Variants in FAM185A observed in about 807,000 individuals in gnomAD.
The protein encoded by FAM185A is family with sequence similarity 185 member A.
FAM185A carries 21 observed loss-of-function variants against 45.7 expected under a neutral mutation model. The ratio of observed to expected loss-of-function variants is 0.46; its 90% CI spans 0.33 to 0.66. FAM185A has a LOEUF of 0.66. Among genes scored for constraint, FAM185A ranks in the 30% least tolerant of loss-of-function variants. The pLI, the probability that FAM185A is intolerant of heterozygous loss-of-function variation, is 0.03. For missense variants in FAM185A, 305 were observed against 485.4 expected (o/e 0.63, Z 3.49); for synonymous variants, 117 against 194.0 (o/e 0.60, Z 3.30).
In FAM185A at chr7:102,775,475, C is replaced by T. The variant is rs1000568989; in HGVS notation, c.836-1778C>T. 5.9e-5 allele frequency among the ~76,000 whole-genome samples: 9 copies of T among 152,150 alleles called. No homozygotes were observed. In the South Asian group the frequency reaches 6.2e-4, roughly 11 times the overall value. ...TGCCTTCTTTCTTGAAAACATCTTG[C>T]GTTTTCATTTTTTTATTTTTTAACA... On this transcript the variant is annotated intron_variant, in intron 5 of 7. Transcript: ENST00000413034.
intron 6 of FAM185A, among the ~76,000 whole-genome samples, chr7:102,780,972 TTA>T (rs1207893671): frequency 6.6e-6 from 1 of 152,204 alleles, no homozygotes; most frequent in Non-Finnish European, 1.5e-5. Flanking sequence ...CTAATACTGC[TTA>T]TTTCCAATGG....
chr7:102,826,522 G>T, the FAM185A span, among the ~76,000 whole-genome samples: 2 of 151,196 alleles, frequency 1.3e-5, no homozygotes, highest in Non-Finnish European at 2.9e-5. Context: ...GATCACTTGA[G>T]CCCAGGAGTT....
Position 102,751,784 on chromosome 7 carries a change from A to G in FAM185A, c.544A>G (p.Ile182Val). ...AATTGAAACAGAGCATGGGACTAGT[A>G]TCTTGCAGTCTGTTAAGGTATAGCA... ...CKIETEHGTS[I>V]LQSVKGQKLH... is the part of the protein sequence containing the mutation. The change falls in exon 2 of 8, where the codon ATC (isoleucine) becomes GTC (valine). Residue 182 changes from isoleucine to valine, a missense_variant. Around this residue, in one of 5 missense-constraint regions of FAM185A, gnomAD observed 174 missense variants for 247.1 expected, o/e 0.70. Transcript: ENST00000413034. The G allele has an allele frequency of 1.3e-6, 2 of 1,549,182 alleles. No individual in the cohort carries two copies. Among genetic ancestry groups the G allele is most frequent in the Non-Finnish European group, 1.7e-6 (2 of 1,145,900 alleles).
At chr7:102,850,629 T>C in the FAM185A span, among the ~76,000 whole-genome samples, 1 of 152,234 alleles carries the variant, frequency 6.6e-6, no homozygotes, top group Non-Finnish European at 1.5e-5. Flanking sequence ...ATGGCTTAAC[T>C]TTAGAGGAAT....
intron 6 of FAM185A, among the ~76,000 whole-genome samples, chr7:102,780,826 C>A (rs151253726): frequency 0.24 from 36,663 of 152,052 alleles, 5,167 homozygotes; most frequent in African/African-American, 0.39. Context: ...GGACAGTGGG[C>A]GCAGCGCACC....
At chr7:102,850,592 C>G in the FAM185A span, among the ~76,000 whole-genome samples, 1 of 152,030 alleles carries the variant, frequency 6.6e-6, no homozygotes, top group Non-Finnish European at 1.5e-5. Context: ...CATGTTTAAC[C>G]CTTAAGTTAA....
intron 6 of FAM185A, among the ~76,000 whole-genome samples, chr7:102,785,710 C>T (rs1409787971): frequency 6.6e-6 from 1 of 151,948 alleles, no homozygotes; most frequent in Admixed American, 6.6e-5. Flanking sequence ...AACGTTAGAC[C>T]TAAAACCATA....
chr7:102,785,205 C>T (rs1467876975), intron 6 of FAM185A, among the ~76,000 whole-genome samples: 2 of 151,856 alleles, frequency 1.3e-5, no homozygotes, highest in Non-Finnish European at 2.9e-5. Flanking sequence ...GAAGAACATT[C>T]CATGCTCATG....
chr7:102,810,743 C>T (rs1169361962), downstream of FAM185A, among the ~76,000 whole-genome samples: 3 of 151,956 alleles, frequency 2.0e-5, no homozygotes, highest in Non-Finnish European at 1.5e-5. Flanking sequence ...CAGGCAGGTG[C>T]CACCATGCTC....
chr7:102,750,371 T>C (rs575858594), intron 1 of FAM185A, among the ~76,000 whole-genome samples: 1 of 152,320 alleles, frequency 6.6e-6, no homozygotes, highest in East Asian at 1.9e-4. Context: ...GTAATAATAA[T>C]AGCATTTAGC....
intron 7 of FAM185A, among the ~76,000 whole-genome samples, chr7:102,793,860 G>A (rs901113821): frequency 2.0e-5 from 3 of 151,714 alleles, no homozygotes; most frequent in East Asian, 2.0e-4. Context: ...CCAACATGGC[G>A]AAACCCTGTC....
At chr7:102,816,712 G>A in the FAM185A span, among the ~76,000 whole-genome samples, 2 of 152,198 alleles carry the variant, frequency 1.3e-5, no homozygotes, top group African/African-American at 2.4e-5. Context: ...GAACCCATCA[G>A]CCAAATAGTG....
At chr7:102,761,671 C>CT (rs536698581) in intron 4 of FAM185A, among the ~76,000 whole-genome samples, 60 of 147,890 alleles carry the variant, frequency 4.1e-4, no homozygotes, top group Non-Finnish European at 5.6e-4. Flanking sequence ...TTTCTTTTTT[C>CT]TTTTTTTTTT....
chr7:102,758,459 T>A (rs10238723), intron 3 of FAM185A, among the ~76,000 whole-genome samples: 71,544 of 106,884 alleles, frequency 0.67, 24,393 homozygotes, highest in Middle Eastern at 0.76. Context: ...TTTTTTTTTT[T>A]ATAGTAGCTA....
Position 102,807,830 on chromosome 7 carries a change from G to T in FAM185A, c.1067-460G>T, listed in dbSNP as rs181486569. ...TCCTAGCACTTTGGGAGGCCAAGGTGGGTGGATCACCTGAGGTGTGGCATT... is the reference window on the plus strand; with the variant it reads ...TCCTAGCACTTTGGGAGGCCAAGGTTGGTGGATCACCTGAGGTGTGGCATT... On this transcript the variant is annotated intron_variant, in intron 7 of 7. Transcript: ENST00000413034. Among the ~76,000 whole-genome samples the T allele has an allele frequency of 7.1e-3, 1,073 of 152,126 alleles. 9 individuals carry two copies. The highest frequency in any genetic ancestry group is 0.024 in the African/African-American group (1,011 of 41,526).
intron 7 of FAM185A, among the ~76,000 whole-genome samples, chr7:102,804,875 G>A (rs562799731): frequency 6.6e-6 from 1 of 152,252 alleles, no homozygotes; most frequent in Admixed American, 6.5e-5. Flanking sequence ...CTAAGGACAT[G>A]AAAAGACAAT....
downstream of FAM185A, chr7:102,813,394 A>G (rs540761531): frequency 6.2e-7 from 1 of 1,614,032 alleles, no homozygotes; most frequent in African/African-American, 1.3e-5. Context: ...TGTTAATTCT[A>G]AGGCTCCTTT....
the FAM185A span, among the ~76,000 whole-genome samples, chr7:102,844,391 C>CAATA: frequency 6.6e-6 from 1 of 152,076 alleles, no homozygotes; most frequent in Non-Finnish European, 1.5e-5. Flanking sequence ...ACTAAGAGAA[C>CAATA]AATACATCCT....
chr7:102,775,155 C>G (rs941649787), intron 5 of FAM185A, among the ~76,000 whole-genome samples: 6 of 152,188 alleles, frequency 3.9e-5, no homozygotes, highest in African/African-American at 1.4e-4. Flanking sequence ...ATATCTGTCA[C>G]TTCACCTCAT....
Sources: gnomAD v4.1 joint callset for allele counts (sites outside exome capture counted in the v4.1 genomes callset) on GRCh38, gnomAD v4.1.1 for gene constraint, gnomAD v4.1.1 regional missense constraint, MANE v1.5 for transcripts, NCBI Gene and HGNC (gene_info 2026-07-23, HGNC 2026-07-21) for gene names.